Variants in PLA2G6 observed in about 807,000 individuals in gnomAD.
PLA2G6 encodes the protein phospholipase A2 group VI.
A neutral mutation model predicts 83.8 loss-of-function variants in PLA2G6; 62 were observed. The ratio of observed to expected loss-of-function variants is 0.74; its 90% confidence interval spans 0.60 to 0.91. The LOEUF (loss-of-function observed/expected upper bound fraction) is 0.91, where lower values mean the gene tolerates loss of function less well. PLA2G6 is among the 40% of genes least tolerant of loss of function. PLA2G6 has a pLI of 0.00. For synonymous variants in PLA2G6, 417 were observed against 449.8 expected, an observed-to-expected ratio of 0.93 and a Z score of 0.92; for missense variants, 944 against 1,102.0, an observed-to-expected ratio of 0.86 and a Z score of 2.03.
intron 1 of PLA2G6, among the ~76,000 whole-genome samples, chr22:38,180,006 T>C (rs1455337015): frequency 6.6e-6 from 1 of 152,054 alleles, no homozygotes; most frequent in Non-Finnish European, 1.5e-5. Context: ...CAAAATCCAC[T>C]GTGAAAGACA....
At chr22:38,144,815 AATAAC>A (rs1043115436) in intron 3 of PLA2G6, 15 of 178,022 alleles carry the variant, frequency 8.4e-5, no homozygotes, top group African/African-American at 3.8e-4. Flanking sequence ...CTCAAAATAA[AATAAC>A]ATAACGTAAC....
Position 38,124,743 on chromosome 22 carries a change from G to A in PLA2G6, c.1428-1485C>T, listed in dbSNP as rs1350236813. Among the ~76,000 whole-genome samples the A allele has an allele frequency of 2.0e-5, 3 of 152,224 alleles. No individual in the cohort carries two copies. In the South Asian group the frequency reaches 6.2e-4, roughly 31 times the overall value. ...CGCTGTGTGTCAAGGGGATGCAGGA[G>A]GTGCCCAAGAGGGCTGATAAATGGA... On this transcript the variant is annotated intron_variant, in intron 10 of 16. Coordinates refer to ENST00000332509, the MANE Select transcript of PLA2G6 (RefSeq NM_003560.4).
At chr22:38,154,230 A>G (rs552039242) in intron 2 of PLA2G6, among the ~76,000 whole-genome samples, 6 of 152,354 alleles carry the variant, frequency 3.9e-5, no homozygotes, top group Admixed American at 3.3e-4. Flanking sequence ...TGCTGACTGT[A>G]GAGCCCTAGT....
intron 5 of PLA2G6, chr22:38,137,742 G>A (rs1396463425): frequency 6.6e-6 from 1 of 152,388 alleles, no homozygotes; most frequent in Non-Finnish European, 1.5e-5. Context: ...GCTGAGGCAG[G>A]AGAATCAGTT....
chr22:38,112,606 G>C lies in PLA2G6; in HGVS notation c.2203-29C>G, dbSNP rs867575285. On this transcript the variant is annotated intron_variant, in intron 15 of 16. Transcript: ENST00000332509. ...GTGAGAAGCAGCCTTGGTGAGTGCC[G>C]GGCCCACACCCCGCCCGGCCCGCAC... 20 of 1,535,254 alleles carry C rather than the reference G, an allele frequency of 1.3e-5. No individual in the cohort carries two copies. The Middle Eastern group carries it at 2.2e-3, about 167-fold the overall frequency.
chr22:38,125,811 A>G (rs977424050), intron 10 of PLA2G6: 10 of 436,484 alleles, frequency 2.3e-5, no homozygotes, highest in African/African-American at 1.8e-4. Flanking sequence ...AGTGGCTGGA[A>G]ACGCATTTGT....
Position 38,128,206 on chromosome 22 carries a change from C to G in PLA2G6, c.1348+63G>C, listed in dbSNP as rs1239503048. The G allele has an allele frequency of 4.6e-6, 7 of 1,535,568 alleles. No individual in the cohort carries two copies. The highest frequency in any genetic ancestry group is 4.5e-6 in the Non-Finnish European group (5 of 1,110,754). The stretch of plus-strand genomic sequence containing the variant: ...TAGGGATCCTGTTGCTTTGGTGGGG[C>G]CTGCTGTGATCCAGGGGCCTGGGAA... On this transcript the variant is annotated intron_variant, in intron 9 of 16. Transcript: ENST00000332509. The surrounding 1 kb of genome is among the most constrained non-coding windows in gnomAD (Gnocchi z 4.4).
chr22:38,164,850 G>A (rs1454651271), intron 2 of PLA2G6, among the ~76,000 whole-genome samples: 2 of 152,184 alleles, frequency 1.3e-5, no homozygotes. Context: ...GGCAAGTCCA[G>A]TGCACCAGGC....
At chr22:38,152,253 G>C (rs976927899) in intron 2 of PLA2G6, among the ~76,000 whole-genome samples, 1 of 151,502 alleles carries the variant, frequency 6.6e-6, no homozygotes, top group South Asian at 2.1e-4. Context: ...TTTCGCTCTT[G>C]TCGCCCAGGT....
intron 13 of PLA2G6, 89 bp downstream of exon 13, chr22:38,115,986 G>A (rs1475453411): frequency 1.3e-6 from 2 of 1,530,334 alleles, no homozygotes; most frequent in African/African-American, 1.4e-5. Flanking sequence ...CGGTGAGGGT[G>A]CCTGATGGCA....
At chr22:38,147,381 G>A (rs552844409) in intron 2 of PLA2G6, 9 of 169,360 alleles carry the variant, frequency 5.3e-5, no homozygotes, top group African/African-American at 1.9e-4. Flanking sequence ...CCAGAGTCTA[G>A]TGAAGGCAGT....
At chr22:38,154,296 G>C (rs897811003) in intron 2 of PLA2G6, among the ~76,000 whole-genome samples, 1 of 152,214 alleles carries the variant, frequency 6.6e-6, no homozygotes, top group Admixed American at 6.5e-5. Context: ...CCTTGGGTGA[G>C]ACCCAGTGCT....
At chr22:38,168,461 A>G (rs1467754155) in intron 2 of PLA2G6, among the ~76,000 whole-genome samples, 1 of 152,184 alleles carries the variant, frequency 6.6e-6, no homozygotes, top group Non-Finnish European at 1.5e-5. Context: ...CTTCAGGCCC[A>G]GGGGAGTCCC....
chr22:38,172,796 GAA>G (rs1291004845), intron 1 of PLA2G6, among the ~76,000 whole-genome samples: 1 of 152,210 alleles, frequency 6.6e-6, no homozygotes, highest in Non-Finnish European at 1.5e-5. Context: ...TGAAATCAAA[GAA>G]AGATTCCACA....
At chr22:38,134,636 A>G (rs148457671) in intron 6 of PLA2G6, 1 of 293,146 alleles carries the variant, frequency 3.4e-6, no homozygotes, top group South Asian at 4.6e-5. Flanking sequence ...GGCCCTCTAG[A>G]GAATCCTGAC....
chr22:38,153,691 A>G (rs1273822148), intron 2 of PLA2G6, among the ~76,000 whole-genome samples: 1 of 152,044 alleles, frequency 6.6e-6, no homozygotes, highest in Non-Finnish European at 1.5e-5. Context: ...TCCTCCCTGG[A>G]GGAAAACCAA....
At position 38,120,849 on chromosome 22, in the gene PLA2G6, C is replaced by A. The variant is rs773961836; in HGVS notation, c.1652G>T (p.Gly551Val). The change falls in exon 12 of 17, where the codon GGC (glycine) becomes GTC (valine). Residue 551 changes from glycine (G) to valine (V), a missense_variant. Coordinates refer to ENST00000332509, the MANE Select transcript of PLA2G6 (RefSeq NM_003560.4). ...YFRMKDEVFR[G>V]SRPYESGPLE... ...GGGCCCCGACTCGTAGGGCCTGGAGCCCCGGAACACCTCATCCTTCATGCG... is the reference window on the plus strand; with the variant it reads ...GGGCCCCGACTCGTAGGGCCTGGAGACCCGGAACACCTCATCCTTCATGCG... The A allele has an allele frequency of 6.2e-7, 1 of 1,613,902 alleles. No individual in the cohort carries two copies. The highest frequency in any genetic ancestry group is 8.5e-7 in the Non-Finnish European group (1 of 1,180,012).
chr22:38,152,507 C>T (rs1023078358), intron 2 of PLA2G6, among the ~76,000 whole-genome samples: 16 of 151,608 alleles, frequency 1.1e-4, no homozygotes, highest in Admixed American at 1.1e-3. Context: ...GTGCCTGGCC[C>T]GTGCCTGGCA....
chr22:38,132,724 C>A lies in PLA2G6; in HGVS notation c.1077+107G>T. 1.0e-6 allele frequency: 1 copy of A among 995,446 alleles called. No individual in the cohort carries two copies. Among genetic ancestry groups the A allele is most frequent in the East Asian group, 2.6e-5 (1 of 37,832 alleles). The allele number at this position is 995,446 out of a possible 1,614,324, so 61.7% of individuals were successfully genotyped here. A position where few individuals can be genotyped will look rare whatever the true frequency, so the allele number is the denominator to read the frequency against. ...CTTTGGGTGGGAAGATGATTTGGAG[C>A]AGCTGACGATAGGAGGGAGACAGTG... On this transcript the variant is annotated intron_variant, in intron 7 of 16. Coordinates refer to ENST00000332509, the MANE Select transcript of PLA2G6 (RefSeq NM_003560.4). The surrounding 1 kb of genome is among the most constrained non-coding windows in gnomAD (Gnocchi z 5.0).
Sources: allele counts gnomAD v4.1 joint callset (sites outside exome capture counted in the v4.1 genomes callset), GRCh38; gene constraint gnomAD v4.1.1; non-coding constraint Gnocchi (gnomAD v3.1); transcripts MANE v1.5; gene names NCBI Gene and HGNC (gene_info 2026-07-23, HGNC 2026-07-21).